DSCAM: variants seen among roughly 807,000 people sequenced by gnomAD.
DSCAM encodes DS cell adhesion molecule.
A neutral mutation model predicts 217.7 loss-of-function variants in DSCAM; 47 were observed. That is an observed-to-expected ratio of 0.22 (90% CI 0.17 to 0.28). The LOEUF (loss-of-function observed/expected upper bound fraction) is 0.28, where lower values mean the gene tolerates loss of function less well. Ranked by LOEUF, DSCAM falls within the 10% of genes least tolerant of loss-of-function variation. The pLI, the probability that DSCAM is intolerant of heterozygous loss-of-function variation, is 1.00. For synonymous variants in DSCAM, 1,056 were observed against 1,015.3 expected, an observed-to-expected ratio of 1.04 and a Z score of -0.76; for missense variants, 2,080 against 2,618.3, an observed-to-expected ratio of 0.79 and a Z score of 4.49.
intron 14 of DSCAM, among the ~76,000 whole-genome samples, chr21:40,181,433 C>A (rs953359223): frequency 1.3e-5 from 2 of 152,056 alleles, no homozygotes; most frequent in African/African-American, 4.8e-5. Flanking sequence ...CTTGGTCATT[C>A]CGATGTATAG....
At chr21:40,771,929 T>G (rs540469765) in intron 1 of DSCAM, among the ~76,000 whole-genome samples, 1 of 152,210 alleles carries the variant, frequency 6.6e-6, no homozygotes, top group Non-Finnish European at 1.5e-5. Context: ...GACTGGAGTT[T>G]ATGATGTAAT....
chr21:40,135,705 TTG>T (rs2090200694), intron 18 of DSCAM, among the ~76,000 whole-genome samples: 1 of 152,248 alleles, frequency 6.6e-6, no homozygotes, highest in South Asian at 2.1e-4. Context: ...GCCACGTATT[TTG>T]TGTGTCCAGG....
chr21:40,653,450 T>C (rs1173247656), intron 3 of DSCAM, among the ~76,000 whole-genome samples: 1 of 152,122 alleles, frequency 6.6e-6, no homozygotes, highest in Non-Finnish European at 1.5e-5. Context: ...AAAGAGCCTT[T>C]TGTGGAGAGG....
At chr21:40,545,378 AGACAACC>A (rs2076573756) in intron 3 of DSCAM, among the ~76,000 whole-genome samples, 1 of 152,230 alleles carries the variant, frequency 6.6e-6, no homozygotes, top group African/African-American at 2.4e-5. Flanking sequence ...ATTTCTGCCC[AGACAACC>A]TCCACTGGGG....
intron 2 of DSCAM, among the ~76,000 whole-genome samples, chr21:40,704,041 A>G (rs571988434): frequency 2.6e-5 from 4 of 152,212 alleles, no homozygotes; most frequent in South Asian, 2.1e-4. Flanking sequence ...TTTATACATT[A>G]TTATTATTAA....
chr21:40,489,441 G>A (rs1052469187), intron 3 of DSCAM, among the ~76,000 whole-genome samples: 12 of 152,086 alleles, frequency 7.9e-5, no homozygotes, highest in South Asian at 2.1e-4. Context: ...ATCAGCCTCC[G>A]TAATCACGTT....
intron 3 of DSCAM, among the ~76,000 whole-genome samples, chr21:40,507,224 C>A (rs1187219370): frequency 6.6e-6 from 1 of 152,016 alleles, no homozygotes; most frequent in Non-Finnish European, 1.5e-5. Context: ...TTGCAGTGAG[C>A]CGAGATCACG....
intron 20 of DSCAM, among the ~76,000 whole-genome samples, chr21:40,121,765 C>T (rs142942078): frequency 7.4e-4 from 103 of 138,752 alleles, no homozygotes; most frequent in Middle Eastern, 4.4e-3. Flanking sequence ...TTTTGGCTCA[C>T]GGCAACCTCC....
At position 40,011,040 on chromosome 21, in the gene DSCAM, A is replaced by C. The variant is rs996131220; in HGVS notation, c.*1994T>G. 6.6e-5 allele frequency: 10 copies of C among 152,182 alleles called. No individual in the cohort carries two copies. The highest frequency in any genetic ancestry group is 2.4e-4 in the African/African-American group (10 of 41,456). The allele number at this position is 152,182 out of a possible 1,614,324, so 9.4% of individuals were successfully genotyped here. ...TATTTTTGTACAGGTTGAGAGAAAAATGTTAAAAAGGTAAACTTCTATGTT... is the reference window on the plus strand; with the variant it reads ...TATTTTTGTACAGGTTGAGAGAAAACTGTTAAAAAGGTAAACTTCTATGTT... On this transcript the variant is annotated 3_prime_UTR_variant, in exon 33 of 33. Transcript: ENST00000400454.
chr21:40,588,711 G>A (rs530741219), intron 3 of DSCAM, among the ~76,000 whole-genome samples: 6 of 151,594 alleles, frequency 4.0e-5, no homozygotes, highest in South Asian at 4.1e-4. Flanking sequence ...TGACCTAGAC[G>A]AAAGAAAAAA....
intron 32 of DSCAM, among the ~76,000 whole-genome samples, chr21:40,013,680 G>A (rs373733934): frequency 2.0e-4 from 30 of 152,282 alleles, no homozygotes; most frequent in East Asian, 1.4e-3. Flanking sequence ...ACACACCATC[G>A]TTGAAAGAAA....
intron 3 of DSCAM, among the ~76,000 whole-genome samples, chr21:40,502,084 T>C (rs1245148587): frequency 6.6e-6 from 1 of 152,144 alleles, no homozygotes; most frequent in Non-Finnish European, 1.5e-5. Context: ...GGAAAACATT[T>C]GTTCTATTTT....
chr21:40,093,745 T>C lies in DSCAM; in HGVS notation c.3826A>G (p.Ile1276Val). The change falls in exon 21 of 33, where the codon ATC becomes GTC. Residue 1276 changes from isoleucine to valine, a missense_variant. Physicochemically the swap from Ile to Val is conservative, Grantham distance 29. Around this residue, in one of 5 missense-constraint regions of DSCAM, gnomAD observed 1,144 missense variants for 1,421.1 expected, o/e 0.81. Coordinates refer to ENST00000400454, the MANE Select transcript of DSCAM (RefSeq NM_001389.5). Reference sequence around the variant, plus strand: ...CCTTTTGCTAGTGGCTCGACTGTGATGATTTCACTGCTGTTGCCTCTTCCG... The same window carrying C: ...CCTTTTGCTAGTGGCTCGACTGTGACGATTTCACTGCTGTTGCCTCTTCCG... ...SAGRGNSSEI[I>V]TVEPLAKAPA... 6.2e-7 allele frequency: 1 copy of C among 1,613,870 alleles called. No individual in the cohort carries two copies. The highest frequency in any genetic ancestry group is 1.1e-5 in the South Asian group (1 of 91,056).
At chr21:40,148,039 C>A (rs2090378938) in intron 16 of DSCAM, among the ~76,000 whole-genome samples, 1 of 152,018 alleles carries the variant, frequency 6.6e-6, no homozygotes, top group Admixed American at 6.6e-5. Context: ...GATTATTATT[C>A]TTCCAGATGT....
At chr21:40,634,541 A>G (rs770411104) in intron 3 of DSCAM, among the ~76,000 whole-genome samples, 6 of 152,204 alleles carry the variant, frequency 3.9e-5, no homozygotes, top group Non-Finnish European at 8.8e-5. Flanking sequence ...CTCAGATGCA[A>G]CACGATGGCC....
At chr21:40,635,402 A>G (rs568942201) in intron 3 of DSCAM, among the ~76,000 whole-genome samples, 1 of 152,286 alleles carries the variant, frequency 6.6e-6, no homozygotes, top group South Asian at 2.1e-4. Flanking sequence ...TGCAGCTGCA[A>G]ATTGCTACCG....
chr21:40,441,175 T>A (rs1423253656), intron 3 of DSCAM, among the ~76,000 whole-genome samples: 3 of 152,146 alleles, frequency 2.0e-5, no homozygotes, highest in Non-Finnish European at 4.4e-5. Context: ...AGAGCCCAGG[T>A]TCCAAGAAGG....
intron 1 of DSCAM, among the ~76,000 whole-genome samples, chr21:40,827,476 AAAAAAAAAAAG>A (rs2091978737): frequency 7.9e-6 from 1 of 126,084 alleles, no homozygotes; most frequent in African/African-American, 2.8e-5. Flanking sequence ...CTCAAAAAAA[AAAAAAAAAAAG>A]AAAAGAAAGA....
At chr21:40,590,756 T>G (rs904021021) in intron 3 of DSCAM, among the ~76,000 whole-genome samples, 1 of 152,206 alleles carries the variant, frequency 6.6e-6, no homozygotes, top group African/African-American at 2.4e-5. Context: ...GTACCAATAT[T>G]ATCCTCCTCA....
Sources: allele counts gnomAD v4.1 joint callset (sites outside exome capture counted in the v4.1 genomes callset), GRCh38; gene constraint gnomAD v4.1.1; regional missense constraint gnomAD v4.1.1; transcripts MANE v1.5; gene names NCBI Gene and HGNC (gene_info 2026-07-23, HGNC 2026-07-21).